The following C17orf67 variants were observed in gnomAD, a reference collection of about 807,000 sequenced individuals.
C17orf67 encodes the protein uncharacterized protein C17orf67.
C17orf67 carries 12 observed loss-of-function variants against 11.2 expected under a neutral mutation model. The ratio of observed to expected loss-of-function variants is 1.07; its 90% CI spans 0.68 to 1.73. The LOEUF (loss-of-function observed/expected upper bound fraction) is 1.73. C17orf67 is among the 40% of genes most tolerant of loss of function. C17orf67 has a pLI of 0.00. For missense variants in C17orf67, 115 were observed against 113.5 expected, an observed-to-expected ratio of 1.01 and a Z score of -0.06; for synonymous variants, 59 against 46.9, an observed-to-expected ratio of 1.26 and a Z score of -1.05.
chr17:56,815,946 T>C lies in C17orf67; in HGVS notation c.-136A>G. ...CTTACGGTATGATGCTGAATGTATC[T>C]GACTCTGAGCGTTTTAGTAATGACC... On this transcript the variant is annotated 5_prime_UTR_variant, in exon 5 of 8. Transcript: ENST00000397861. 1 of 1,494,804 alleles carries C rather than the reference T, an allele frequency of 6.7e-7. No homozygotes were observed. The highest frequency in any genetic ancestry group is 1.4e-5 in the African/African-American group (1 of 73,188). The allele number at this position is 1,494,804 out of a possible 1,614,324, so 92.6% of individuals were successfully genotyped here. A position where few individuals can be genotyped will look rare whatever the true frequency, so the allele number is the denominator to read the frequency against.
At chr17:56,812,370 G>A (rs1228064518) in intron 6 of C17orf67, among the ~76,000 whole-genome samples, 1 of 152,214 alleles carries the variant, frequency 6.6e-6, no homozygotes, top group Non-Finnish European at 1.5e-5. Context: ...CCACACAGGT[G>A]TAACCACCAA....
rs1324659737 is a variant in C17orf67, at chr17:56,821,401, A to G, written c.-201+3338T>C. ...GAATTTATAGTATAGTTGGTAGACT[A>G]GACTACAGTATTTTTTAAAATAATG... On this transcript the variant is annotated intron_variant, in intron 4 of 7. Coordinates refer to ENST00000397861, the MANE Select transcript of C17orf67 (RefSeq NM_001085430.4). Among the ~76,000 whole-genome samples the G allele has an allele frequency of 2.6e-5, 4 of 152,238 alleles. No individual in the cohort carries two copies. The East Asian group carries it at 7.7e-4, about 29-fold the overall frequency.
chr17:56,797,008 G>C (rs1314181897), intron 6 of C17orf67, among the ~76,000 whole-genome samples: 1 of 152,140 alleles, frequency 6.6e-6, no homozygotes, highest in African/African-American at 2.4e-5. Flanking sequence ...CAGCAGATGA[G>C]TGCAGCTTTG....
At chr17:56,810,299 TCA>T (rs1463964559) in intron 6 of C17orf67, among the ~76,000 whole-genome samples, 1 of 137,812 alleles carries the variant, frequency 7.3e-6, no homozygotes, top group Non-Finnish European at 1.5e-5. Flanking sequence ...CACATACTCC[TCA>T]CACACATACC....
chr17:56,792,597 T>C (rs1005542950), intron 7 of C17orf67, among the ~76,000 whole-genome samples: 1 of 118,048 alleles, frequency 8.5e-6, no homozygotes, highest in African/African-American at 3.2e-5. Context: ...GTAATAGTGA[T>C]GATGGTTATG....
chr17:56,823,744 CA>C (rs1905960894), intron 4 of C17orf67, among the ~76,000 whole-genome samples: 1 of 152,182 alleles, frequency 6.6e-6, no homozygotes, highest in African/African-American at 2.4e-5. Context: ...CATGTCCACA[CA>C]AAAACCTGCA....
intron 7 of C17orf67, among the ~76,000 whole-genome samples, chr17:56,792,633 G>A (rs974739668): frequency 5.0e-5 from 7 of 141,120 alleles, no homozygotes; most frequent in African/African-American, 1.6e-4. Context: ...ATGGTGATGT[G>A]GTGGTGGTGG....
intron 4 of C17orf67, among the ~76,000 whole-genome samples, chr17:56,816,661 G>A (rs533994730): frequency 1.3e-4 from 20 of 152,142 alleles, no homozygotes; most frequent in Non-Finnish European, 1.3e-4. Flanking sequence ...TAACCTCAGG[G>A]ACAACTCCTC....
intron 7 of C17orf67, among the ~76,000 whole-genome samples, chr17:56,792,885 G>A (rs1182935544): frequency 9.6e-5 from 11 of 114,490 alleles, no homozygotes; most frequent in African/African-American, 2.0e-4. Flanking sequence ...GGTGGTGGTG[G>A]TGGTGATGGT....
intron 6 of C17orf67, among the ~76,000 whole-genome samples, chr17:56,809,268 C>T (rs1235613838): frequency 1.3e-5 from 2 of 151,888 alleles, no homozygotes; most frequent in Non-Finnish European, 2.9e-5. Flanking sequence ...CTAATCACAT[C>T]ATTCCCCTGC....
chr17:56,806,371 TTACTC>T (rs1246919374), intron 6 of C17orf67, among the ~76,000 whole-genome samples: 2 of 152,212 alleles, frequency 1.3e-5, no homozygotes, highest in African/African-American at 2.4e-5. Flanking sequence ...ATACAAGTAA[TTACTC>T]TAGTATACAA....
chr17:56,814,793 A>C (rs1379721413), intron 6 of C17orf67, 76 bp downstream of exon 6: 3 of 1,395,826 alleles, frequency 2.1e-6, no homozygotes, highest in Non-Finnish European at 3.1e-6. Context: ...CCATGCTGGG[A>C]CCAACACCTA....
intron 4 of C17orf67, among the ~76,000 whole-genome samples, chr17:56,824,528 C>G (rs1905980330): frequency 6.6e-6 from 1 of 152,222 alleles, no homozygotes; most frequent in Admixed American, 6.5e-5. Flanking sequence ...GCTAAAGATA[C>G]TCATGTCTCC....
chr17:56,799,352 T>G (rs1905269483), intron 6 of C17orf67, among the ~76,000 whole-genome samples: 2 of 152,236 alleles, frequency 1.3e-5, no homozygotes, highest in Admixed American at 6.5e-5. Context: ...TTCAGATTGG[T>G]TTCTTTTCTT....
chr17:56,799,839 T>C (rs1220599283), intron 6 of C17orf67, among the ~76,000 whole-genome samples: 1 of 152,236 alleles, frequency 6.6e-6, no homozygotes, highest in Non-Finnish European at 1.5e-5. Context: ...TTTCACATGC[T>C]TACTTGCCAT....
chr17:56,796,889 G>T (rs1188335548), intron 6 of C17orf67, among the ~76,000 whole-genome samples: 1 of 151,806 alleles, frequency 6.6e-6, no homozygotes, highest in African/African-American at 2.4e-5. Context: ...GGCCCACCAG[G>T]GCCACCTTCC....
intron 4 of C17orf67, among the ~76,000 whole-genome samples, chr17:56,822,072 T>TGACAAAAGTAACCTGAATTAAACTTTCC (rs1905917591): frequency 6.6e-6 from 1 of 152,236 alleles, no homozygotes; most frequent in African/African-American, 2.4e-5. Context: ...CAGCCCGGTC[T>TGACAAAAGTAACCTGAATTAAACTTTCC]ATTTCAGCTG....
intron 6 of C17orf67, among the ~76,000 whole-genome samples, chr17:56,807,764 T>C (rs1001164425): frequency 6.6e-6 from 1 of 151,932 alleles, no homozygotes; most frequent in Admixed American, 6.6e-5. Context: ...CTCTCTAACA[T>C]GATGGGGCCA....
At chr17:56,807,288 G>A (rs969149684) in intron 6 of C17orf67, among the ~76,000 whole-genome samples, 3 of 152,202 alleles carry the variant, frequency 2.0e-5, no homozygotes, top group Non-Finnish European at 2.9e-5. Flanking sequence ...GTGCCCAGAA[G>A]GAAGGAAGAG....
Sources: allele counts gnomAD v4.1 joint callset (sites outside exome capture counted in the v4.1 genomes callset), GRCh38; gene constraint gnomAD v4.1.1; transcripts MANE v1.5; gene names NCBI Gene and HGNC (gene_info 2026-07-23, HGNC 2026-07-21).